The following DPYD variants were observed in gnomAD, a reference collection of about 807,000 sequenced individuals.
DPYD encodes dihydropyrimidine dehydrogenase.
Under a neutral mutation model 116.2 loss-of-function variants are expected in DPYD, and 109 were observed. The ratio of observed to expected loss-of-function variants is 0.94; its 90% CI spans 0.80 to 1.10. The LOEUF (loss-of-function observed/expected upper bound fraction) is 1.10. Ranked by LOEUF, DPYD falls within the 50% of genes least tolerant of loss-of-function variation. DPYD has a pLI of 0.00. For missense variants in DPYD, 1,302 were observed against 1,254.5 expected (o/e 1.04, Z -0.57); for synonymous variants, 440 against 432.0 (o/e 1.02, Z -0.23).
intron 1 of DPYD, among the ~76,000 whole-genome samples, chr1:97,899,893 A>G (rs1673276602): frequency 6.6e-6 from 1 of 151,946 alleles, no homozygotes; most frequent in East Asian, 1.9e-4. Flanking sequence ...TTATACATGG[A>G]TAGGCCTTGG....
At chr1:97,238,746 G>A (rs1486051731) in intron 18 of DPYD, among the ~76,000 whole-genome samples, 1 of 152,168 alleles carries the variant, frequency 6.6e-6, no homozygotes, top group Non-Finnish European at 1.5e-5. Flanking sequence ...CAAAGAATGT[G>A]TATGCGGGCT....
chr1:97,559,089 C>A (rs554114887), intron 11 of DPYD, among the ~76,000 whole-genome samples: 2 of 152,052 alleles, frequency 1.3e-5, no homozygotes, highest in South Asian at 2.1e-4. Context: ...ATTCTATGCA[C>A]ATTTGGGTGC....
chr1:97,510,992 A>T (rs1340251381), intron 13 of DPYD, among the ~76,000 whole-genome samples: 1 of 151,902 alleles, frequency 6.6e-6, no homozygotes, highest in Non-Finnish European at 1.5e-5. Context: ...TGATTGCTAT[A>T]TGCCCCACAT....
chr1:97,686,106 C>T (rs1311328399), intron 7 of DPYD, among the ~76,000 whole-genome samples: 2 of 152,136 alleles, frequency 1.3e-5, no homozygotes, highest in Non-Finnish European at 2.9e-5. Flanking sequence ...GTAACCAAAA[C>T]AGCATGGTAC....
At chr1:97,798,790 C>T (rs1041962108) in intron 3 of DPYD, among the ~76,000 whole-genome samples, 1 of 151,854 alleles carries the variant, frequency 6.6e-6, no homozygotes, top group Non-Finnish European at 1.5e-5. Context: ...AATGTATTCA[C>T]TTCAGTTATT....
At chr1:97,588,215 A>T (rs1345248485) in intron 10 of DPYD, among the ~76,000 whole-genome samples, 4 of 152,218 alleles carry the variant, frequency 2.6e-5, no homozygotes, top group Admixed American at 2.0e-4. Context: ...TACCATTTTG[A>T]CAAACAAACA....
chr1:97,657,111 G>A (rs1362266754), intron 8 of DPYD, among the ~76,000 whole-genome samples: 1 of 151,816 alleles, frequency 6.6e-6, no homozygotes, highest in East Asian at 1.9e-4. Flanking sequence ...GGGATTACAG[G>A]TGCAAGCCAC....
At chr1:97,666,053 C>G (rs925781052) in intron 8 of DPYD, among the ~76,000 whole-genome samples, 1 of 152,106 alleles carries the variant, frequency 6.6e-6, no homozygotes, top group Non-Finnish European at 1.5e-5. Flanking sequence ...CTTAAGTTAT[C>G]AAAAATTGAT....
chr1:97,452,115 C>G (rs1435041748), intron 13 of DPYD, among the ~76,000 whole-genome samples: 1 of 152,094 alleles, frequency 6.6e-6, no homozygotes, highest in Non-Finnish European at 1.5e-5. Flanking sequence ...TAGCAGCATC[C>G]CTACTCCCGC....
intron 19 of DPYD, among the ~76,000 whole-genome samples, chr1:97,219,372 T>C (rs1470084403): frequency 2.0e-5 from 3 of 152,330 alleles, no homozygotes; most frequent in African/African-American, 4.8e-5. Context: ...AAGCACATGA[T>C]AGAACTGAAT....
intron 3 of DPYD, among the ~76,000 whole-genome samples, chr1:97,744,779 TAA>T (rs1428407283): frequency 2.0e-5 from 3 of 152,022 alleles, no homozygotes; most frequent in Non-Finnish European, 4.4e-5. Context: ...ATACATAATT[TAA>T]TATCTTCCTC....
At chr1:97,180,584 C>T (rs1391232524) in intron 20 of DPYD, among the ~76,000 whole-genome samples, 2 of 152,076 alleles carry the variant, frequency 1.3e-5, no homozygotes, top group African/African-American at 4.8e-5. Flanking sequence ...CATTTTAAAT[C>T]CTCAATCTCC....
chr1:97,656,761 G>A (rs1658926888), intron 8 of DPYD, among the ~76,000 whole-genome samples: 1 of 151,520 alleles, frequency 6.6e-6, no homozygotes, highest in South Asian at 2.1e-4. Flanking sequence ...ATTTTATAAA[G>A]AAGAATTTCC....
intron 3 of DPYD, among the ~76,000 whole-genome samples, chr1:97,746,559 C>T (rs1306927834): frequency 2.0e-5 from 3 of 152,008 alleles, no homozygotes; most frequent in Non-Finnish European, 4.4e-5. Flanking sequence ...GTATTTGTTT[C>T]GCTTTCTTAC....
intron 3 of DPYD, among the ~76,000 whole-genome samples, chr1:97,749,741 A>G (rs534703204): frequency 6.6e-6 from 1 of 151,198 alleles, no homozygotes; most frequent in Non-Finnish European, 1.5e-5. Context: ...GCCATATGTA[A>G]TTTTTTTTTG....
intron 19 of DPYD, among the ~76,000 whole-genome samples, chr1:97,206,638 TTATATATATATATA>T (rs57893705): frequency 0.016 from 783 of 48,980 alleles, 21 homozygotes; most frequent in South Asian, 0.031. Context: ...CAGGGAGATT[TTATATATATATATA>T]TATATATATA....
At chr1:97,393,372 C>T (rs930472401) in intron 14 of DPYD, among the ~76,000 whole-genome samples, 21 of 151,780 alleles carry the variant, frequency 1.4e-4, no homozygotes, top group Non-Finnish European at 2.9e-4. Flanking sequence ...TATACATGTG[C>T]CATGTTGGTG....
At chr1:97,546,506 A>G in intron 12 of DPYD, 1 of 1,602,976 alleles carries the variant, frequency 6.2e-7, no homozygotes, top group Non-Finnish European at 8.5e-7. Context: ...AACAAAGATG[A>G]TGAAGCAGAG....
chr1:97,780,882 AGAC>A (rs1327633902), intron 3 of DPYD, among the ~76,000 whole-genome samples: 1 of 152,236 alleles, frequency 6.6e-6, no homozygotes, highest in African/African-American at 2.4e-5. Context: ...TTTCAGATAA[AGAC>A]AATATCATAT....
Sources: gnomAD v4.1 joint callset for allele counts (sites outside exome capture counted in the v4.1 genomes callset) on GRCh38, gnomAD v4.1.1 for gene constraint, MANE v1.5 for transcripts, NCBI Gene and HGNC (gene_info 2026-07-23, HGNC 2026-07-21) for gene names.